The following PLEKHM3 variants were observed in gnomAD, a reference collection of about 807,000 sequenced individuals.
PLEKHM3 encodes pleckstrin homology domain containing M3, also known as pleckstrin homology domain-containing family M member 3.
In PLEKHM3, 45 loss-of-function variants were observed where a neutral mutation model predicts 81.8. The observed-to-expected ratio is 0.55, with a 90% CI of 0.43 to 0.71. PLEKHM3 has a LOEUF of 0.71. Among genes scored for constraint, PLEKHM3 ranks in the 30% least tolerant of loss-of-function variants. The pLI, the probability that PLEKHM3 is intolerant of heterozygous loss-of-function variation, is 0.00. For missense variants in PLEKHM3, 788 were observed against 924.3 expected (o/e 0.85, Z 1.91); for synonymous variants, 352 against 356.4 (o/e 0.99, Z 0.14).
chr2:208,008,501 C>CAAAAAAAAAAAAAAAAAAAAAAAAAAA (rs59305459), intron 1 of PLEKHM3, among the ~76,000 whole-genome samples: 4 of 83,742 alleles, frequency 4.8e-5, no homozygotes, highest in East Asian at 3.5e-4. Flanking sequence ...CTAACCTTGC[C>CAAAAAAAAAAAAAAAAAAAAAAAAAAA]AAAAAAAAAA....
At chr2:208,005,899 T>A (rs1177082226) in intron 1 of PLEKHM3, among the ~76,000 whole-genome samples, 2 of 152,158 alleles carry the variant, frequency 1.3e-5, no homozygotes, top group East Asian at 3.9e-4. Context: ...CTTCTCCAGT[T>A]TAAAGTTCTT....
chr2:207,865,781 CA>C (rs71412445), intron 6 of PLEKHM3, among the ~76,000 whole-genome samples: 11 of 3,794 alleles, frequency 2.9e-3, no homozygotes, highest in African/African-American at 7.1e-3. Flanking sequence ...AACTCCGACT[CA>C]AAAAAAAAAA....
At chr2:207,841,213 T>TTA (rs2092349475) in intron 7 of PLEKHM3, among the ~76,000 whole-genome samples, 1 of 151,172 alleles carries the variant, frequency 6.6e-6, no homozygotes, top group African/African-American at 2.4e-5. Flanking sequence ...ACGCCTGTAA[T>TTA]CCCAGCCCTT....
At position 207,881,609 on chromosome 2, in the gene PLEKHM3, A is replaced by T. The variant is rs144181640; in HGVS notation, c.1951-20347T>A. 8.0e-3 allele frequency among the ~76,000 whole-genome samples: 1,218 copies of T among 152,300 alleles called. 9 individuals are homozygous for T. Among genetic ancestry groups the T allele is most frequent in the Middle Eastern group, 0.02 (6 of 294 alleles). On this transcript the variant is annotated intron_variant, in intron 6 of 7. Transcript: ENST00000427836. The stretch of plus-strand genomic sequence containing the variant: ...TTCCCAAATTCTCTGTAATCAGCAT[A>T]CTTTTATAATCAAGAAAAAACAATT...
chr2:207,971,186 T>C (rs1339364221), intron 3 of PLEKHM3, among the ~76,000 whole-genome samples: 1 of 152,238 alleles, frequency 6.6e-6, no homozygotes, highest in African/African-American at 2.4e-5. Context: ...TTTATTATAG[T>C]ACTCAATTGC....
chr2:207,918,453 C>T (rs891555271), intron 5 of PLEKHM3, among the ~76,000 whole-genome samples: 21 of 152,032 alleles, frequency 1.4e-4, no homozygotes, highest in African/African-American at 3.9e-4. Flanking sequence ...ACCTGGGAGG[C>T]GGAGCTTGCA....
rs2092364049 is a variant in PLEKHM3, at chr2:207,843,192, T to C, written c.2109-14696A>G. ...CTCAAACTCCTAGGCTCAAGTGATC[T>C]GCCTGTCTCAGCCTCCCAAAGTGTT... On this transcript the variant is annotated intron_variant, in intron 7 of 7. Transcript: ENST00000427836. This position sits in a 1 kb window ranked among gnomAD's most constrained non-coding sequence, Gnocchi z 4.4. Among the ~76,000 whole-genome samples, 1 of 152,170 alleles carries C rather than the reference T, an allele frequency of 6.6e-6. No homozygotes were observed. Among genetic ancestry groups the C allele is most frequent in the Non-Finnish European group, 1.5e-5 (1 of 68,016 alleles).
chr2:207,895,412 T>C (rs1328785512), intron 6 of PLEKHM3, among the ~76,000 whole-genome samples: 1 of 152,184 alleles, frequency 6.6e-6, no homozygotes, highest in Non-Finnish European at 1.5e-5. Context: ...TCCGTAGTTT[T>C]ATTACCCAAA....
At position 207,954,141 on chromosome 2, in the gene PLEKHM3, C is replaced by T. The variant is rs138928826; in HGVS notation, c.1547-7629G>A. ...GTTCGAGGTTATAGAGAGCTATGAT[C>T]GCACCATGGCACTCCAGCTTGGGCA... On this transcript the variant is annotated intron_variant, in intron 3 of 7. Coordinates refer to ENST00000427836, the MANE Select transcript of PLEKHM3 (RefSeq NM_001080475.3). Among the ~76,000 whole-genome samples, 1,116 of 152,068 alleles carry T rather than the reference C, an allele frequency of 7.3e-3. 19 individuals are homozygous for T. The highest frequency in any genetic ancestry group is 0.025 in the African/African-American group (1,053 of 41,490).
chr2:207,864,366 C>T (rs2092484496), intron 6 of PLEKHM3, among the ~76,000 whole-genome samples: 1 of 152,180 alleles, frequency 6.6e-6, no homozygotes, highest in African/African-American at 2.4e-5. Flanking sequence ...TATATGCAAC[C>T]ACCAGTAAAC....
chr2:207,965,217 A>C (rs1690870967), intron 3 of PLEKHM3, among the ~76,000 whole-genome samples: 1 of 152,220 alleles, frequency 6.6e-6, no homozygotes, highest in Non-Finnish European at 1.5e-5. Flanking sequence ...AGGTCAGTAA[A>C]TAAAAACTTT....
intron 5 of PLEKHM3, among the ~76,000 whole-genome samples, chr2:207,915,831 C>G (rs557159160): frequency 6.6e-6 from 1 of 152,182 alleles, no homozygotes; most frequent in Admixed American, 6.5e-5. Flanking sequence ...AATATGTGCT[C>G]CAGGGTAGGT....
chr2:207,969,841 T>TC (rs1243548103), intron 3 of PLEKHM3, among the ~76,000 whole-genome samples: 1 of 152,014 alleles, frequency 6.6e-6, no homozygotes, highest in Non-Finnish European at 1.5e-5. Context: ...ATTCCACAAC[T>TC]CCCCCCACTA....
chr2:207,963,992 A>C (rs1574449520), intron 3 of PLEKHM3, among the ~76,000 whole-genome samples: 1 of 152,168 alleles, frequency 6.6e-6, no homozygotes, highest in Non-Finnish European at 1.5e-5. Context: ...CCGGCAGATC[A>C]CCTGAGGTCC....
In PLEKHM3 at chr2:207,825,148, C is replaced by CG. The variant is rs1559195430; in HGVS notation, c.*3170dup. ...AGAACACTACCCCCATTCCAGTTGA[C>CG]GGCTTTTTAAGTACTTTGTGGCCTT... On this transcript the variant is annotated 3_prime_UTR_variant, in exon 8 of 8. Coordinates refer to ENST00000427836, the MANE Select transcript of PLEKHM3 (RefSeq NM_001080475.3). 6.6e-6 allele frequency: 1 copy of CG among 152,158 alleles called. No individual in the cohort carries two copies. Among genetic ancestry groups the CG allele is most frequent in the African/African-American group, 2.4e-5 (1 of 41,440 alleles). 9.4% of individuals were successfully genotyped at this position (152,158 alleles called of 1,614,324 possible).
Position 207,823,990 on chromosome 2 carries a change from A to C in PLEKHM3, c.*4329T>G, listed in dbSNP as rs911681025. On this transcript the variant is annotated 3_prime_UTR_variant, in exon 8 of 8. Coordinates refer to ENST00000427836, the MANE Select transcript of PLEKHM3 (RefSeq NM_001080475.3). ...AACACCGTTCCACATGACAGAAATCAACACTTGTCTGTTTACATTAACCGA... is the reference window on the plus strand; with the variant it reads ...AACACCGTTCCACATGACAGAAATCCACACTTGTCTGTTTACATTAACCGA... The C allele has an allele frequency of 1.3e-5, 2 of 152,266 alleles. No individual in the cohort carries two copies. The highest frequency in any genetic ancestry group is 4.8e-5 in the African/African-American group (2 of 41,464). 9.4% of individuals were successfully genotyped at this position (152,266 alleles called of 1,614,324 possible).
intron 7 of PLEKHM3, among the ~76,000 whole-genome samples, chr2:207,844,597 C>T (rs371726475): frequency 2.0e-5 from 3 of 152,146 alleles, no homozygotes; most frequent in South Asian, 4.1e-4. Flanking sequence ...TGAGCCACTG[C>T]GCCCGGCCTA....
chr2:207,872,447 A>C (rs572636385), intron 6 of PLEKHM3, among the ~76,000 whole-genome samples: 62 of 152,368 alleles, frequency 4.1e-4, no homozygotes, highest in Non-Finnish European at 6.8e-4. Flanking sequence ...CTGAATATGA[A>C]GATGATCTTT....
At chr2:207,915,857 G>A (rs1688975371) in intron 5 of PLEKHM3, among the ~76,000 whole-genome samples, 1 of 152,158 alleles carries the variant, frequency 6.6e-6, no homozygotes, top group Non-Finnish European at 1.5e-5. Flanking sequence ...ATATTAAGTT[G>A]AGATGGCCAG....
Sources: allele counts gnomAD v4.1 joint callset (sites outside exome capture counted in the v4.1 genomes callset), GRCh38; gene constraint gnomAD v4.1.1; non-coding constraint Gnocchi (gnomAD v3.1); transcripts MANE v1.5; gene names NCBI Gene and HGNC (gene_info 2026-07-23, HGNC 2026-07-21).